CRIM1: variants seen among roughly 807,000 people sequenced by gnomAD.
CRIM1 encodes the protein cysteine rich transmembrane BMP regulator 1, also known as cysteine-rich motor neuron 1 protein.
Under a neutral mutation model 116.4 loss-of-function variants are expected in CRIM1, and 32 were observed. The ratio of observed to expected loss-of-function variants is 0.27; its 90% CI spans 0.21 to 0.37. The LOEUF is 0.37. Ranked by LOEUF, CRIM1 falls within the 10% of genes least tolerant of loss-of-function variation. CRIM1 has a pLI of 1.00. For synonymous variants in CRIM1, 590 were observed against 509.2 expected (o/e 1.16, Z -2.13); for missense variants, 1,331 against 1,354.8 (o/e 0.98, Z 0.28).
chr2:36,426,066 A>T (rs1395540801), intron 2 of CRIM1, among the ~76,000 whole-genome samples: 3 of 152,218 alleles, frequency 2.0e-5, no homozygotes, highest in African/African-American at 4.8e-5. Flanking sequence ...AGGCCTGGTG[A>T]TGGGAGTGCA....
At chr2:36,361,584 A>G (rs994858882) in intron 1 of CRIM1, among the ~76,000 whole-genome samples, 1 of 152,182 alleles carries the variant, frequency 6.6e-6, no homozygotes, top group Non-Finnish European at 1.5e-5. Context: ...GAAAATATTG[A>G]ATTCATCTTA....
chr2:36,420,236 A>T (rs982054854), intron 2 of CRIM1, among the ~76,000 whole-genome samples: 10 of 152,180 alleles, frequency 6.6e-5, no homozygotes, highest in Non-Finnish European at 1.0e-4. Flanking sequence ...TGAGAATGAG[A>T]ATGTGGTGTT....
chr2:36,403,942 C>G (rs919121256), intron 2 of CRIM1, among the ~76,000 whole-genome samples: 10 of 152,054 alleles, frequency 6.6e-5, no homozygotes, highest in African/African-American at 2.4e-4. Context: ...CTGAGGGAGA[C>G]TGTGGTGTCT....
chr2:36,495,978 C>T lies in CRIM1; in HGVS notation c.1373-3241C>T, dbSNP rs553955269. Among the ~76,000 whole-genome samples the T allele has an allele frequency of 4.6e-5, 7 of 152,230 alleles. 1 individual carries two copies. The South Asian group carries it at 1.2e-3, about 27-fold the overall frequency. The stretch of plus-strand genomic sequence containing the variant: ...TGGTCTCACATGATAGGAAACCAAG[C>T]ACTAAAATGTTGGGAGAATGACGAA... On this transcript the variant is annotated intron_variant, in intron 7 of 16. Coordinates refer to ENST00000280527, the MANE Select transcript of CRIM1 (RefSeq NM_016441.3).
At chr2:36,399,880 TTAAAG>T (rs903084096) in intron 2 of CRIM1, among the ~76,000 whole-genome samples, 8 of 152,138 alleles carry the variant, frequency 5.3e-5, no homozygotes, top group African/African-American at 1.2e-4. Context: ...ACAGACATCT[TTAAAG>T]GAGAGGACAA....
chr2:36,459,788 CATT>C (rs964818773), intron 4 of CRIM1, among the ~76,000 whole-genome samples: 22 of 152,156 alleles, frequency 1.4e-4, no homozygotes, highest in Admixed American at 4.6e-4. Context: ...ATCAGATCAT[CATT>C]GTTGCTGGAG....
intron 1 of CRIM1, among the ~76,000 whole-genome samples, chr2:36,360,219 G>A (rs1669128224): frequency 1.3e-5 from 2 of 152,274 alleles, no homozygotes; most frequent in South Asian, 4.1e-4. Flanking sequence ...AGCCTCTCTG[G>A]GCAGTTAAAG....
intron 14 of CRIM1, among the ~76,000 whole-genome samples, chr2:36,540,080 AAAGG>A (rs769864316): frequency 1.3e-5 from 2 of 152,144 alleles, no homozygotes; most frequent in Non-Finnish European, 2.9e-5. Flanking sequence ...CACCAGGAAT[AAAGG>A]AAGAAGCCAA....
intron 7 of CRIM1, among the ~76,000 whole-genome samples, chr2:36,495,727 G>A (rs1680541254): frequency 6.6e-6 from 1 of 151,986 alleles, no homozygotes; most frequent in South Asian, 2.1e-4. Flanking sequence ...TTGAATCTCA[G>A]TTGTCTCATG....
chr2:36,405,085 A>G (rs1478648112), intron 2 of CRIM1, among the ~76,000 whole-genome samples: 1 of 152,188 alleles, frequency 6.6e-6, no homozygotes, highest in East Asian at 1.9e-4. Flanking sequence ...TGTCATCTGT[A>G]ATGTTTGTCA....
At chr2:36,424,979 C>T (rs772494293) in intron 2 of CRIM1, among the ~76,000 whole-genome samples, 2 of 152,170 alleles carry the variant, frequency 1.3e-5, no homozygotes, top group Non-Finnish European at 2.9e-5. Context: ...ATATGCTACC[C>T]TTCCTATTGG....
At chr2:36,415,444 C>T (rs970702320) in intron 2 of CRIM1, among the ~76,000 whole-genome samples, 1 of 152,184 alleles carries the variant, frequency 6.6e-6, no homozygotes, top group South Asian at 2.1e-4. Flanking sequence ...GCTGTTTTAT[C>T]TAATCCTCTG....
chr2:36,512,183 A>T, intron 9 of CRIM1, 90 bp from the exon 10 acceptor site: 5 of 1,439,464 alleles, frequency 3.5e-6, no homozygotes, highest in African/African-American at 1.4e-5. Flanking sequence ...TTTAATAGCA[A>T]TATCACTTTA....
intron 13 of CRIM1, among the ~76,000 whole-genome samples, chr2:36,529,933 C>G (rs915160240): frequency 2.0e-5 from 3 of 152,190 alleles, no homozygotes; most frequent in African/African-American, 7.2e-5. Flanking sequence ...GCCAAATCTG[C>G]TTTCACAGCA....
intron 5 of CRIM1, among the ~76,000 whole-genome samples, chr2:36,469,853 G>A (rs558595203): frequency 7.9e-5 from 12 of 152,238 alleles, no homozygotes; most frequent in African/African-American, 2.9e-4. Context: ...GTTAAAGAGT[G>A]ATACACATTG....
intron 7 of CRIM1, among the ~76,000 whole-genome samples, chr2:36,497,601 A>G (rs979782252): frequency 2.0e-5 from 3 of 152,330 alleles, no homozygotes; most frequent in Non-Finnish European, 2.9e-5. Flanking sequence ...CAGGAAGAAT[A>G]CCTTGGTTAT....
intron 4 of CRIM1, among the ~76,000 whole-genome samples, chr2:36,457,607 C>A (rs949552245): frequency 6.6e-5 from 10 of 152,246 alleles, no homozygotes; most frequent in African/African-American, 2.2e-4. Flanking sequence ...GTTATTCATA[C>A]ACAGATAGTA....
chr2:36,441,871 T>C (rs1390434246), intron 3 of CRIM1, among the ~76,000 whole-genome samples: 2 of 152,236 alleles, frequency 1.3e-5, no homozygotes, highest in East Asian at 1.9e-4. Context: ...CTTTGAATTA[T>C]TACATTTAAA....
intron 8 of CRIM1, among the ~76,000 whole-genome samples, chr2:36,505,869 C>T (rs1257802418): frequency 6.6e-6 from 1 of 152,178 alleles, no homozygotes; most frequent in Non-Finnish European, 1.5e-5. Context: ...CCTCCTTCTG[C>T]CATGCAGTTC....
Sources: gnomAD v4.1 joint callset for allele counts (sites outside exome capture counted in the v4.1 genomes callset) on GRCh38, gnomAD v4.1.1 for gene constraint, MANE v1.5 for transcripts, NCBI Gene and HGNC (gene_info 2026-07-23, HGNC 2026-07-21) for gene names.